Variants in DCC observed in about 807,000 individuals in gnomAD.
DCC encodes the protein netrin receptor DCC.
DCC carries 58 observed loss-of-function variants against 172.5 expected under a neutral mutation model. The observed-to-expected ratio is 0.34, with a 90% CI of 0.27 to 0.42. DCC has a LOEUF of 0.42. Ranked by LOEUF, DCC falls within the 10% of genes least tolerant of loss-of-function variation. The pLI, the probability that DCC is intolerant of heterozygous loss-of-function variation, is 1.00. For missense variants in DCC, 1,740 were observed against 1,791.0 expected (o/e 0.97, Z 0.51); for synonymous variants, 709 against 644.5 (o/e 1.10, Z -1.52).
At chr18:53,193,366 A>G (rs1225766169) in intron 9 of DCC, among the ~76,000 whole-genome samples, 2 of 152,110 alleles carry the variant, frequency 1.3e-5, no homozygotes, top group African/African-American at 4.8e-5. Context: ...AAATCCCCGC[A>G]GTGCCTGGAA....
At position 52,934,691 on chromosome 18, in the gene DCC, C is replaced by A. The variant is rs569702851; in HGVS notation, c.985+9321C>A. On this transcript the variant is annotated intron_variant, in intron 5 of 28. Coordinates refer to ENST00000442544, the MANE Select transcript of DCC (RefSeq NM_005215.4). ...CAATGTGACTGTATTTGGAGAAAGG[C>A]CTTTCTTTAAATGAGTAACTAAAAT... The A allele has an allele frequency of 1.3e-4, 20 of 152,162 alleles. No individual in the cohort carries two copies. In the South Asian group the frequency reaches 3.9e-3, roughly 30 times the overall value. 9.4% of individuals were successfully genotyped at this position (152,162 alleles called of 1,614,324 possible).
At chr18:53,197,063 A>C (rs1439426740) in intron 9 of DCC, among the ~76,000 whole-genome samples, 3 of 152,134 alleles carry the variant, frequency 2.0e-5, no homozygotes, top group Non-Finnish European at 4.4e-5. Flanking sequence ...ACAGGAGAAA[A>C]AAAATCAAAG....
intron 3 of DCC, among the ~76,000 whole-genome samples, chr18:52,906,652 C>T (rs924603534): frequency 1.3e-5 from 2 of 151,784 alleles, no homozygotes; most frequent in African/African-American, 4.8e-5. Context: ...TTTCATTTTC[C>T]TCTGATAACA....
chr18:53,480,154 C>T (rs2045814940), intron 25 of DCC, among the ~76,000 whole-genome samples: 1 of 152,118 alleles, frequency 6.6e-6, no homozygotes, highest in Non-Finnish European at 1.5e-5. Flanking sequence ...GAGAAGATCT[C>T]AGCTGAAAAG....
chr18:53,196,926 A>G (rs1470017375), intron 9 of DCC, among the ~76,000 whole-genome samples: 2 of 152,094 alleles, frequency 1.3e-5, no homozygotes, highest in Non-Finnish European at 1.5e-5. Context: ...TCTCCTAACT[A>G]TGTACAGTTC....
At chr18:52,447,815 T>A (rs1988171413) in intron 1 of DCC, among the ~76,000 whole-genome samples, 1 of 151,986 alleles carries the variant, frequency 6.6e-6, no homozygotes, top group African/African-American at 2.4e-5. Flanking sequence ...GTAGATCTCA[T>A]GAGAACTCAC....
At chr18:52,629,094 T>G (rs1322259069) in intron 1 of DCC, among the ~76,000 whole-genome samples, 1 of 152,192 alleles carries the variant, frequency 6.6e-6, no homozygotes, top group Non-Finnish European at 1.5e-5. Flanking sequence ...ACTTTCAAAA[T>G]TATTCTGTCT....
rs901193245 is a variant in DCC at position 52,413,143 on chromosome 18, T to G, written c.91+72265T>G. On this transcript the variant is annotated intron_variant, in intron 1 of 28. Coordinates refer to ENST00000442544, the MANE Select transcript of DCC (RefSeq NM_005215.4). ...TTCCTGAAAGATCATTGCTTTGGTT[T>G]CTCTGTTTTAAAATAATATATCCAC... 2.0e-5 allele frequency among the ~76,000 whole-genome samples: 3 copies of G among 151,896 alleles called. No individual in the cohort carries two copies. In the East Asian group the frequency reaches 5.8e-4, roughly 29 times the overall value.
chr18:52,452,190 A>G (rs1045665081), intron 1 of DCC, among the ~76,000 whole-genome samples: 7 of 152,224 alleles, frequency 4.6e-5, no homozygotes, highest in Admixed American at 3.3e-4. Flanking sequence ...ATCCAAAAAT[A>G]GATCAATGTT....
intron 15 of DCC, among the ~76,000 whole-genome samples, chr18:53,354,009 G>A (rs553979017): frequency 6.6e-5 from 10 of 152,208 alleles, no homozygotes; most frequent in East Asian, 1.9e-4. Context: ...GAGAACATGC[G>A]GTGTTTGGTT....
chr18:52,460,762 G>T (rs1216731757), intron 1 of DCC, among the ~76,000 whole-genome samples: 1 of 152,062 alleles, frequency 6.6e-6, no homozygotes, highest in Non-Finnish European at 1.5e-5. Context: ...CATAGAAAAG[G>T]TACAATAAAA....
intron 1 of DCC, among the ~76,000 whole-genome samples, chr18:52,476,037 A>G (rs1340936738): frequency 2.0e-5 from 3 of 152,156 alleles, no homozygotes; most frequent in East Asian, 1.9e-4. Flanking sequence ...AAACATTTGA[A>G]TCCTGAAACA....
intron 2 of DCC, among the ~76,000 whole-genome samples, chr18:52,822,409 A>T (rs1207778437): frequency 1.3e-5 from 2 of 152,210 alleles, no homozygotes; most frequent in Non-Finnish European, 2.9e-5. Context: ...GTTTCAGGCC[A>T]CAGCCAAGAA....
intron 25 of DCC, among the ~76,000 whole-genome samples, chr18:53,485,212 C>A (rs1163350358): frequency 6.6e-6 from 1 of 152,040 alleles, no homozygotes; most frequent in Non-Finnish European, 1.5e-5. Flanking sequence ...CTATGGTAAC[C>A]AACCTACTAT....
chr18:53,299,651 A>G (rs2057109126), intron 12 of DCC, among the ~76,000 whole-genome samples: 1 of 152,198 alleles, frequency 6.6e-6, no homozygotes, highest in Admixed American at 6.5e-5. Context: ...TGGGTAAATC[A>G]TGACTTATTT....
chr18:52,397,609 A>G (rs1015191352), intron 1 of DCC, among the ~76,000 whole-genome samples: 4 of 151,906 alleles, frequency 2.6e-5, no homozygotes, highest in Non-Finnish European at 4.4e-5. Flanking sequence ...GCATATATCA[A>G]TTTCCTTGGG....
chr18:52,510,414 C>A (rs1433595162), intron 1 of DCC, among the ~76,000 whole-genome samples: 2 of 152,170 alleles, frequency 1.3e-5, no homozygotes, highest in Non-Finnish European at 2.9e-5. Flanking sequence ...GATTTGCGAT[C>A]TTGGATTCCC....
rs867070279 is a variant in DCC, at chr18:53,066,003, T to C, written c.1141-43T>C. On this transcript the variant is annotated intron_variant, in intron 6 of 28. Coordinates refer to ENST00000442544, the MANE Select transcript of DCC (RefSeq NM_005215.4). ...TAAGTTCATTTTGTCACCTTGCATT[T>C]TTTGCTTTCTAAAATACTTTACCTG... The C allele has an allele frequency of 1.1e-5, 18 of 1,610,002 alleles. No individual in the cohort carries two copies. The Middle Eastern group carries it at 2.5e-3, about 221-fold the overall frequency.
At chr18:52,902,301 AC>A (rs2039821196) in intron 2 of DCC, among the ~76,000 whole-genome samples, 1 of 152,168 alleles carries the variant, frequency 6.6e-6, no homozygotes, top group African/African-American at 2.4e-5. Flanking sequence ...GTGAAGCAAA[AC>A]CTTTAGTGAT....
Sources: gnomAD v4.1 joint callset for allele counts (sites outside exome capture counted in the v4.1 genomes callset) on GRCh38, gnomAD v4.1.1 for gene constraint, MANE v1.5 for transcripts, NCBI Gene and HGNC (gene_info 2026-07-23, HGNC 2026-07-21) for gene names.